CIB4: variants seen among roughly 807,000 people sequenced by gnomAD.
CIB4 encodes calcium and integrin-binding family member 4.
Under a neutral mutation model 25.8 loss-of-function variants are expected in CIB4, and 25 were observed. The ratio of observed to expected loss-of-function variants is 0.97; its 90% CI spans 0.71 to 1.35. The LOEUF (loss-of-function observed/expected upper bound fraction) is 1.35. CIB4 is among the 40% of genes most tolerant of loss of function. CIB4 has a pLI of 0.00. For synonymous variants in CIB4, 75 were observed against 81.4 expected, an observed-to-expected ratio of 0.92 and a Z score of 0.42; for missense variants, 235 against 228.2, an observed-to-expected ratio of 1.03 and a Z score of -0.19.
chr2:26,620,371 C>T (rs1191390312), intron 3 of CIB4, among the ~76,000 whole-genome samples: 1 of 152,210 alleles, frequency 6.6e-6, no homozygotes. Flanking sequence ...TAGACACCCC[C>T]ACCCCCGCCA....
At chr2:26,582,777 G>T (rs778044733) in intron 6 of CIB4, 48 bp downstream of exon 6, 4 of 1,217,882 alleles carry the variant, frequency 3.3e-6, no homozygotes, top group East Asian at 4.7e-5. Flanking sequence ...GGCCCTTCCT[G>T]CCCCCACCAC....
intron 4 of CIB4, among the ~76,000 whole-genome samples, chr2:26,590,269 A>C (rs1234466638): frequency 6.6e-6 from 1 of 150,936 alleles, no homozygotes; most frequent in African/African-American, 2.4e-5. Flanking sequence ...AAAAAAAAAA[A>C]AAAAAAAAAA....
chr2:26,602,034 G>C (rs1668801898), intron 3 of CIB4, among the ~76,000 whole-genome samples: 1 of 152,174 alleles, frequency 6.6e-6, no homozygotes, highest in Admixed American at 6.5e-5. Flanking sequence ...CTGTTCTCTA[G>C]GGTGCTGTGG....
Position 26,595,192 on chromosome 2 carries a change from A to T in CIB4, c.312T>A (p.Tyr104Ter). The change falls in exon 4 of 7, where the codon TAT becomes TAA. Residue 104 changes from tyrosine to a stop codon, truncating the protein, a stop_gained. Coordinates refer to ENST00000288861, the MANE Select transcript of CIB4 (RefSeq NM_001029881.3). LOFTEE classifies it high-confidence loss of function. ...AGCACCTACCATAGATGCGAAAGGC[A>T]TACTCAATCTTCAGGCTTGGGCAGG... ...EQACPSLKIEYAFRIYDFNEN... is the reference protein window; with the variant it reads ...EQACPSLKIE 1.2e-6 allele frequency: 2 copies of T among 1,611,590 alleles called. No homozygotes were observed. The highest frequency in any genetic ancestry group is 1.7e-6 in the Non-Finnish European group (2 of 1,177,886).
At chr2:26,637,121 T>C (rs1163752229) in intron 2 of CIB4, among the ~76,000 whole-genome samples, 2 of 152,208 alleles carry the variant, frequency 1.3e-5, no homozygotes, top group Non-Finnish European at 2.9e-5. Context: ...GGTTAGCTCC[T>C]GTCTTCCGCT....
chr2:26,601,939 T>C (rs960453247), intron 3 of CIB4, among the ~76,000 whole-genome samples: 8 of 152,238 alleles, frequency 5.3e-5, no homozygotes, highest in South Asian at 4.1e-4. Flanking sequence ...TGTAAAACCA[T>C]AGGGCTGGAA....
chr2:26,621,304 G>T (rs940585418), intron 3 of CIB4, among the ~76,000 whole-genome samples: 2 of 148,542 alleles, frequency 1.3e-5, no homozygotes, highest in Admixed American at 1.3e-4. Flanking sequence ...AAACAGAAAG[G>T]CTTTGGACCT....
intron 3 of CIB4, among the ~76,000 whole-genome samples, chr2:26,612,566 G>C (rs1203962856): frequency 6.6e-6 from 1 of 152,020 alleles, no homozygotes; most frequent in African/African-American, 2.4e-5. Flanking sequence ...CCTCTCTAAG[G>C]AGGAAGGGAC....
At chr2:26,621,252 GAAAAAAA>G (rs10689851) in intron 3 of CIB4, among the ~76,000 whole-genome samples, 7 of 101,920 alleles carry the variant, frequency 6.9e-5, no homozygotes, top group African/African-American at 2.8e-4. Context: ...AAGTTTCCAG[GAAAAAAA>G]AAAAAAAAAA....
Position 26,629,441 on chromosome 2 carries a change from A to C in CIB4, c.155T>G (p.Met52Arg), listed in dbSNP as rs1669373199. ...GKYYKEATLT[M>R]DQVSSLPALR... ...AGCTGGCAGGGAGCTGACCTGGTCCATGGTGAGCGTTGCCTCCTTGTAGTA... is the reference window on the plus strand; with the variant it reads ...AGCTGGCAGGGAGCTGACCTGGTCCCTGGTGAGCGTTGCCTCCTTGTAGTA... Residue 52 changes from methionine to arginine, a missense_variant, in exon 3 of 7, where the codon ATG (methionine) becomes AGG (arginine). Met to Arg is a moderately conservative substitution (Grantham distance 91). Coordinates refer to ENST00000288861, the MANE Select transcript of CIB4 (RefSeq NM_001029881.3). 4 of 1,582,268 alleles carry C rather than the reference A, an allele frequency of 2.5e-6. No individual in the cohort carries two copies. The highest frequency in any genetic ancestry group is 3.4e-6 in the Non-Finnish European group (4 of 1,163,886).
intron 2 of CIB4, among the ~76,000 whole-genome samples, chr2:26,639,925 C>T (rs745423058): frequency 3.3e-5 from 5 of 152,166 alleles, no homozygotes; most frequent in Non-Finnish European, 5.9e-5. Flanking sequence ...ACACACCTCT[C>T]ACACTATTCA....
At chr2:26,638,804 T>C (rs1260847784) in intron 2 of CIB4, among the ~76,000 whole-genome samples, 1 of 152,028 alleles carries the variant, frequency 6.6e-6, no homozygotes, top group East Asian at 1.9e-4. Context: ...ATACAAAAAT[T>C]TGCCGGGCGT....
chr2:26,623,035 A>AT (rs1018717280), intron 3 of CIB4, among the ~76,000 whole-genome samples: 1 of 151,434 alleles, frequency 6.6e-6, no homozygotes, highest in East Asian at 1.9e-4. Context: ...ACTAAAAAAA[A>AT]TTTTTTTTAA....
In CIB4 at chr2:26,583,800, G is replaced by A. The variant is rs1329752115; in HGVS notation, c.427C>T (p.Leu143Phe). The A allele has an allele frequency of 2.5e-6, 4 of 1,606,624 alleles. No individual in the cohort carries two copies. Among genetic ancestry groups the A allele is most frequent in the East Asian group, 4.5e-5 (2 of 44,856 alleles). Residue 143 changes from leucine to phenylalanine, a missense_variant, in exon 5 of 7, where the codon CTC (leucine) becomes TTC (phenylalanine). Physicochemically the swap from Leu to Phe is conservative, Grantham distance 22. Transcript: ENST00000288861. Reference protein sequence around the residue: ...DDMSEDLLMDLTNHVLSESDL... With the variant: ...DDMSEDLLMDFTNHVLSESDL... ...CCCCCAGCACACACGTGGTTCGTGA[G>A]GTCCATCAGGAGGTCCTCAGACATG... is the stretch of plus-strand genomic sequence containing the variant.
intron 2 of CIB4, among the ~76,000 whole-genome samples, chr2:26,634,936 C>T (rs1285099880): frequency 6.6e-6 from 1 of 152,254 alleles, no homozygotes; most frequent in Non-Finnish European, 1.5e-5. Context: ...GCCAGGCTGA[C>T]CTGCGCCTGA....
rs747737014 is a variant in CIB4, at chr2:26,589,063, TTCC to T, written c.329-5168_329-5166del. Among the ~76,000 whole-genome samples the T allele has an allele frequency of 9.7e-3, 471 of 48,788 alleles. 60 individuals are homozygous for T. The highest frequency in any genetic ancestry group is 0.025 in the African/African-American group (267 of 10,860). 32.0% of individuals were successfully genotyped at this position (48,788 alleles called of 152,430 possible). ...CTTCTTCTTCTTCTTCTTCTTCCTC[TTCC>T]TCTTCCTCTTCTTCTTCTTCTTCTT... On this transcript the variant is annotated intron_variant, in intron 4 of 6. Coordinates refer to ENST00000288861, the MANE Select transcript of CIB4 (RefSeq NM_001029881.3).
In CIB4 at chr2:26,632,082, ACCT is replaced by A. The variant is rs1186858765; in HGVS notation, c.90-2579_90-2577del. Among the ~76,000 whole-genome samples, 15 of 152,110 alleles carry A rather than the reference ACCT, an allele frequency of 9.9e-5. No individual in the cohort carries two copies. The East Asian group carries it at 2.9e-3, about 29-fold the overall frequency. On this transcript the variant is annotated intron_variant, in intron 2 of 6. Coordinates refer to ENST00000288861, the MANE Select transcript of CIB4 (RefSeq NM_001029881.3). ...GGATCTATCTGGATCCTATTTCTCT[ACCT>A]CTAGCTACGAGACCCAAGGCAAACT...
chr2:26,602,612 G>A (rs1668813583), intron 3 of CIB4, among the ~76,000 whole-genome samples: 3 of 152,154 alleles, frequency 2.0e-5, no homozygotes, highest in Admixed American at 2.0e-4. Flanking sequence ...TAGTATACAT[G>A]GGTTAGTATA....
intron 3 of CIB4, among the ~76,000 whole-genome samples, chr2:26,600,352 C>T (rs553557151): frequency 2.6e-5 from 4 of 152,116 alleles, no homozygotes; most frequent in Non-Finnish European, 4.4e-5. Flanking sequence ...TGCAGTGAGC[C>T]GAGATCGTGC....
Sources: gnomAD v4.1 joint callset for allele counts (sites outside exome capture counted in the v4.1 genomes callset) on GRCh38, gnomAD v4.1.1 for gene constraint, MANE v1.5 for transcripts, NCBI Gene and HGNC (gene_info 2026-07-23, HGNC 2026-07-21) for gene names.